Variants in CARMIL1 observed in about 807,000 individuals in gnomAD.
CARMIL1 encodes capping protein regulator and myosin 1 linker 1, also known as F-actin-uncapping protein LRRC16A.
A neutral mutation model predicts 177.1 loss-of-function variants in CARMIL1; 90 were observed. The ratio of observed to expected loss-of-function variants is 0.51; its 90% CI spans 0.43 to 0.61. CARMIL1 has a LOEUF of 0.61. Ranked by LOEUF, CARMIL1 falls within the 20% of genes least tolerant of loss-of-function variation. The pLI, the probability that CARMIL1 is intolerant of heterozygous loss-of-function variation, is 0.00. For synonymous variants in CARMIL1, 577 were observed against 606.2 expected (o/e 0.95, Z 0.71); for missense variants, 1,380 against 1,667.0 (o/e 0.83, Z 3.00).
intron 2 of CARMIL1, among the ~76,000 whole-genome samples, chr6:25,305,082 T>C (rs760621103): frequency 1.3e-5 from 2 of 152,234 alleles, no homozygotes; most frequent in Non-Finnish European, 2.9e-5. Flanking sequence ...TGAATATAAC[T>C]GTGAGAAGAA....
At chr6:25,420,232 A>G in intron 3 of CARMIL1, 68 bp downstream of exon 3, 1 of 1,434,932 alleles carries the variant, frequency 7.0e-7, no homozygotes, top group Non-Finnish European at 9.8e-7. Context: ...ATAGTCACTC[A>G]TGCATTCTTA....
intron 31 of CARMIL1, among the ~76,000 whole-genome samples, chr6:25,585,777 C>G (rs1582441798): frequency 6.6e-6 from 1 of 151,996 alleles, no homozygotes. Flanking sequence ...CTTCAAGCAT[C>G]TGTTTAACAA....
chr6:25,545,713 C>G (rs373835995), intron 26 of CARMIL1, among the ~76,000 whole-genome samples: 3 of 152,066 alleles, frequency 2.0e-5, no homozygotes, highest in Admixed American at 6.6e-5. Context: ...ACCGTATTTT[C>G]TGGTCTCAAT....
chr6:25,548,949 C>A (rs1165238096), intron 26 of CARMIL1, among the ~76,000 whole-genome samples: 1 of 151,994 alleles, frequency 6.6e-6, no homozygotes, highest in Non-Finnish European at 1.5e-5. Flanking sequence ...GAAAGGAAAC[C>A]CTGGATGAAG....
chr6:25,608,963 C>T (rs193064699), intron 35 of CARMIL1, among the ~76,000 whole-genome samples: 314 of 152,242 alleles, frequency 2.1e-3, no homozygotes, highest in African/African-American at 7.2e-3. Flanking sequence ...GGGACATACA[C>T]AAAATATGCT....
At chr6:25,307,176 C>T (rs778030402) in intron 2 of CARMIL1, among the ~76,000 whole-genome samples, 13 of 152,186 alleles carry the variant, frequency 8.5e-5, no homozygotes, top group African/African-American at 1.4e-4. Flanking sequence ...CCACCGCGCC[C>T]GGTCGCCCTG....
intron 13 of CARMIL1, among the ~76,000 whole-genome samples, chr6:25,491,141 G>C (rs1203346808): frequency 6.6e-6 from 1 of 152,210 alleles, no homozygotes; most frequent in Non-Finnish European, 1.5e-5. Context: ...TGAGAGGACT[G>C]GGGAAGTTTA....
At chr6:25,472,644 T>C in intron 11 of CARMIL1, 123 bp downstream of exon 11, 1 of 716,634 alleles carries the variant, frequency 1.4e-6, no homozygotes, top group Non-Finnish European at 2.3e-6. Context: ...TTAATGGTCC[T>C]GTTGGCTTCC....
intron 12 of CARMIL1, among the ~76,000 whole-genome samples, chr6:25,487,562 A>C (rs1372614915): frequency 6.6e-6 from 1 of 152,242 alleles, no homozygotes; most frequent in Admixed American, 6.5e-5. Flanking sequence ...TGGTAGAAAC[A>C]TGAAGAGCTT....
chr6:25,456,169 T>A (rs1799510029), intron 8 of CARMIL1, among the ~76,000 whole-genome samples: 1 of 152,256 alleles, frequency 6.6e-6, no homozygotes, highest in Non-Finnish European at 1.5e-5. Context: ...TTATCCAGCC[T>A]GCTGTTCTCT....
At chr6:25,402,581 T>G (rs1793980926) in intron 2 of CARMIL1, among the ~76,000 whole-genome samples, 1 of 152,204 alleles carries the variant, frequency 6.6e-6, no homozygotes, top group Admixed American at 6.5e-5. Context: ...TTCATGAATG[T>G]TTTACTGTGT....
chr6:25,310,345 G>A (rs763520714), intron 2 of CARMIL1, among the ~76,000 whole-genome samples: 6 of 152,140 alleles, frequency 3.9e-5, no homozygotes, highest in Non-Finnish European at 7.3e-5. Context: ...TCCAAGCTGC[G>A]GCTTGAGAGA....
chr6:25,480,095 C>G (rs1801945427), intron 11 of CARMIL1, among the ~76,000 whole-genome samples: 1 of 151,958 alleles, frequency 6.6e-6, no homozygotes, highest in Non-Finnish European at 1.5e-5. Context: ...GTATATGATT[C>G]CTTTTGGAAA....
At chr6:25,478,383 G>A (rs419563) in intron 11 of CARMIL1, among the ~76,000 whole-genome samples, 96,053 of 151,980 alleles carry the variant, frequency 0.63, 30,511 homozygotes, top group Middle Eastern at 0.72. Context: ...TACCTTCTCT[G>A]TACCTCAGCT....
chr6:25,489,499 T>G (rs1015041948), intron 13 of CARMIL1, among the ~76,000 whole-genome samples: 2 of 152,186 alleles, frequency 1.3e-5, no homozygotes, highest in Non-Finnish European at 2.9e-5. Flanking sequence ...TTTGACACAG[T>G]GGATTAGGTA....
chr6:25,548,384 T>C (rs1189940598), intron 26 of CARMIL1, among the ~76,000 whole-genome samples: 3 of 152,106 alleles, frequency 2.0e-5, no homozygotes, highest in Non-Finnish European at 4.4e-5. Context: ...TTGTTATTGT[T>C]TGAGTGGGGA....
intron 34 of CARMIL1, among the ~76,000 whole-genome samples, chr6:25,605,605 TGCAGCCGTCA>T (rs892292350): frequency 6.6e-6 from 1 of 152,172 alleles, no homozygotes; most frequent in African/African-American, 2.4e-5. Flanking sequence ...AACATGAGAT[TGCAGCCGTCA>T]GCATCACCCT....
intron 8 of CARMIL1, among the ~76,000 whole-genome samples, chr6:25,456,639 A>G (rs899582231): frequency 6.6e-6 from 1 of 152,198 alleles, no homozygotes; most frequent in Admixed American, 6.5e-5. Context: ...ATTACACTGT[A>G]ATTTGGAGTG....
intron 2 of CARMIL1, among the ~76,000 whole-genome samples, chr6:25,351,378 C>T (rs1788088328): frequency 1.3e-5 from 2 of 152,164 alleles, no homozygotes; most frequent in Non-Finnish European, 2.9e-5. Flanking sequence ...CCACACACAG[C>T]ACATATTCTG....
Sources: allele counts gnomAD v4.1 joint callset (sites outside exome capture counted in the v4.1 genomes callset), GRCh38; gene constraint gnomAD v4.1.1; transcripts MANE v1.5; gene names NCBI Gene and HGNC (gene_info 2026-07-23, HGNC 2026-07-21).